MYO18B: variants seen among roughly 807,000 people sequenced by gnomAD.
MYO18B encodes the protein myosin XVIIIB, also known as unconventional myosin-XVIIIb.
In MYO18B, 204 loss-of-function variants were observed where a neutral mutation model predicts 273.0. That is an observed-to-expected ratio of 0.75 (90% CI 0.67 to 0.84). The LOEUF is 0.84. MYO18B is among the 40% of genes least tolerant of loss of function. The pLI, the probability that MYO18B is intolerant of heterozygous loss-of-function variation, is 0.00. For synonymous variants in MYO18B, 1,330 were observed against 1,305.7 expected, an observed-to-expected ratio of 1.02 and a Z score of -0.40; for missense variants, 3,212 against 3,287.6, an observed-to-expected ratio of 0.98 and a Z score of 0.56.
intron 42 of MYO18B, among the ~76,000 whole-genome samples, chr22:26,017,620 C>T (rs1601842046): frequency 1.3e-5 from 2 of 152,128 alleles, no homozygotes; most frequent in Admixed American, 1.3e-4. Context: ...TATATTATCC[C>T]CTTATGTATT....
intron 12 of MYO18B, among the ~76,000 whole-genome samples, chr22:25,809,643 C>G (rs865959047): frequency 6.6e-6 from 1 of 152,070 alleles, no homozygotes; most frequent in Non-Finnish European, 1.5e-5. Flanking sequence ...GTTATCAGTG[C>G]TGGAATGGAT....
At chr22:25,820,954 A>G (rs2089255783) in intron 12 of MYO18B, among the ~76,000 whole-genome samples, 1 of 152,104 alleles carries the variant, frequency 6.6e-6, no homozygotes, top group Non-Finnish European at 1.5e-5. Context: ...GTGCCTGGCT[A>G]TTTCACTTAA....
chr22:26,047,855 C>T, the MYO18B span, among the ~76,000 whole-genome samples: 2 of 152,138 alleles, frequency 1.3e-5, no homozygotes, highest in East Asian at 3.8e-4. Context: ...TAGATCTGCT[C>T]CAGTCCCTGT....
intron 39 of MYO18B, among the ~76,000 whole-genome samples, chr22:25,960,951 C>A (rs2092911723): frequency 6.6e-6 from 1 of 151,684 alleles, no homozygotes; most frequent in African/African-American, 2.4e-5. Flanking sequence ...GAGTTCAAGA[C>A]CAGCCTCGGC....
At chr22:25,913,172 A>G (rs2285202) in intron 33 of MYO18B, among the ~76,000 whole-genome samples, 137,347 of 152,190 alleles carry the variant, frequency 0.9, 62,355 homozygotes, top group Middle Eastern at 0.97. Flanking sequence ...CGCTCAGATT[A>G]TTCCCCAAAG....
chr22:25,911,339 G>A (rs575865491), intron 33 of MYO18B, among the ~76,000 whole-genome samples: 13 of 152,294 alleles, frequency 8.5e-5, no homozygotes, highest in African/African-American at 3.1e-4. Flanking sequence ...TTCCTTTAAG[G>A]GGATGTATGT....
chr22:25,860,304 T>C (rs1601382906), intron 21 of MYO18B, among the ~76,000 whole-genome samples: 1 of 38,374 alleles, frequency 2.6e-5, no homozygotes, highest in East Asian at 0.015. Context: ...TTTCACTGAT[T>C]TTTTTTCTCT....
Position 25,835,419 on chromosome 22 carries a change from G to A in MYO18B, c.3184G>A (p.Glu1062Lys), listed in dbSNP as rs780365829. The A allele has an allele frequency of 5.2e-5, 84 of 1,613,778 alleles. 2 individuals carry two copies. In the South Asian group the frequency reaches 5.8e-4, roughly 11 times the overall value. ...VVLERLCAAF[E>K]KKGAGTEGSS... is the part of the protein sequence containing the mutation. ...GCTCGAGCGTCTGTGTGCTGCTTTC[G>A]AGAAGAAAGGAGCTGGGACTGAAGG... The change falls in exon 17 of 44, where the codon GAG (glutamate) becomes AAG (lysine). Residue 1062 changes from glutamate (E) to lysine (K), a missense_variant. Physicochemically the swap from Glu to Lys is moderately conservative, Grantham distance 56 (BLOSUM62 1). Transcript: ENST00000335473.
chr22:26,026,512 A>G lies in MYO18B; in HGVS notation c.6538A>G (p.Thr2180Ala). 3 of 1,613,922 alleles carry G rather than the reference A, an allele frequency of 1.9e-6. No homozygotes were observed. Among genetic ancestry groups the G allele is most frequent in the Non-Finnish European group, 2.5e-6 (3 of 1,179,874 alleles). Residue 2180 changes from threonine (T) to alanine (A), a missense_variant, in exon 43 of 44, where the codon ACC (threonine) becomes GCC (alanine). By Grantham distance (58) the Thr-to-Ala change is moderately conservative. Coordinates refer to ENST00000335473, the MANE Select transcript of MYO18B (RefSeq NM_032608.7). Reference protein sequence around the residue: ...SALALSRARSTNVHSKTSGDK... With the variant: ...SALALSRARSANVHSKTSGDK... ...ATTGGCACTGAGCAGAGCCCGGTCC[A>G]CCAATGTCCACAGCAAGACCTCAGG...
At chr22:25,795,648 C>G (rs1455372995) in intron 11 of MYO18B, among the ~76,000 whole-genome samples, 1 of 152,192 alleles carries the variant, frequency 6.6e-6, no homozygotes, top group Non-Finnish European at 1.5e-5. Flanking sequence ...TTTGCTCCAG[C>G]TGCAGTTGCT....
chr22:26,036,149 G>A, the MYO18B span, among the ~76,000 whole-genome samples: 1 of 152,216 alleles, frequency 6.6e-6, no homozygotes, highest in Non-Finnish European at 1.5e-5. Context: ...GAAGGCTCTG[G>A]TTGTGATTAA....
At chr22:25,802,849 C>G (rs924515353) in intron 12 of MYO18B, among the ~76,000 whole-genome samples, 1 of 151,838 alleles carries the variant, frequency 6.6e-6, no homozygotes, top group African/African-American at 2.4e-5. Context: ...CATAAACAAC[C>G]ATGAATCTAC....
At chr22:25,836,230 C>T (rs1204526580) in intron 17 of MYO18B, among the ~76,000 whole-genome samples, 8 of 152,192 alleles carry the variant, frequency 5.3e-5, no homozygotes, top group Non-Finnish European at 1.2e-4. Flanking sequence ...CTTTCCCCTG[C>T]ATGATGTGGG....
At chr22:25,928,209 C>G (rs1225693431) in intron 34 of MYO18B, among the ~76,000 whole-genome samples, 1 of 151,882 alleles carries the variant, frequency 6.6e-6, no homozygotes, top group African/African-American at 2.4e-5. Context: ...CAGTTTTATC[C>G]CAAAGCCACA....
At chr22:25,893,927 ACATC>A (rs61392072) in intron 27 of MYO18B, among the ~76,000 whole-genome samples, 20 of 150,802 alleles carry the variant, frequency 1.3e-4, no homozygotes, top group African/African-American at 3.7e-4. Context: ...GTCTACACTA[ACATC>A]CATCCATCCA....
chr22:26,010,884 C>T (rs16981210), intron 42 of MYO18B, among the ~76,000 whole-genome samples: 2,273 of 152,002 alleles, frequency 0.015, 50 homozygotes, highest in African/African-American at 0.052. Flanking sequence ...TGTTAAACTT[C>T]GTGTGTTTGG....
At chr22:25,920,798 A>C (rs2092329392) in intron 33 of MYO18B, among the ~76,000 whole-genome samples, 1 of 152,206 alleles carries the variant, frequency 6.6e-6, no homozygotes, top group South Asian at 2.1e-4. Flanking sequence ...CCAGAAGTCC[A>C]GAGGCTCTGT....
Position 25,846,262 on chromosome 22 carries a change from C to A in MYO18B, c.3531C>A (p.Cys1177Ter). 6.2e-7 allele frequency: 1 copy of A among 1,611,866 alleles called. No individual in the cohort carries two copies. ...CCGCGGTGAGGAGGAAAGCCCCGTG[C>A]TCCCAGATCAAGCTGCAGATGGTGA... ...SLAAVRRKAP[C>*]SQIKLQMDAL... The change falls in exon 19 of 44, where the codon TGC (cysteine) becomes TGA (stop). Residue 1177 changes from cysteine to a stop codon, truncating the protein, a stop_gained. Transcript: ENST00000335473. LOFTEE classifies it high-confidence loss of function.
intron 34 of MYO18B, among the ~76,000 whole-genome samples, chr22:25,945,627 C>G (rs1284479879): frequency 6.6e-6 from 1 of 151,750 alleles, no homozygotes; most frequent in Non-Finnish European, 1.5e-5. Context: ...CTGGGAGGGG[C>G]TGGGCTGAGC....
Sources: gnomAD v4.1 joint callset for allele counts (sites outside exome capture counted in the v4.1 genomes callset) on GRCh38, gnomAD v4.1.1 for gene constraint, MANE v1.5 for transcripts, NCBI Gene and HGNC (gene_info 2026-07-23, HGNC 2026-07-21) for gene names.